The following UBQLN1 variants were observed in gnomAD, a reference collection of about 807,000 sequenced individuals.
The protein encoded by UBQLN1 is ubiquilin-1.
A neutral mutation model predicts 65.4 loss-of-function variants in UBQLN1; 13 were observed. That is an observed-to-expected ratio of 0.20 (90% confidence interval 0.13 to 0.32). The LOEUF is 0.32. Ranked by LOEUF, UBQLN1 falls within the 10% of genes least tolerant of loss-of-function variation. The pLI is 1.00. For missense variants in UBQLN1, 561 were observed against 724.0 expected (o/e 0.77, Z 2.58); for synonymous variants, 267 against 247.8 (o/e 1.08, Z -0.73).
At chr9:83,699,286 T>C (rs1277061746) in intron 1 of UBQLN1, among the ~76,000 whole-genome samples, 3 of 152,206 alleles carry the variant, frequency 2.0e-5, no homozygotes, top group Non-Finnish European at 4.4e-5. Context: ...AAAAATTGAC[T>C]TCAGTCCTTC....
intron 7 of UBQLN1, chr9:83,668,755 C>A: frequency 1.9e-6 from 1 of 519,132 alleles, no homozygotes; most frequent in Non-Finnish European, 2.5e-6. Context: ...TTAATAAATG[C>A]TATTTTACAA....
At chr9:83,706,356 T>C (rs1832406763) in intron 1 of UBQLN1, among the ~76,000 whole-genome samples, 1 of 152,154 alleles carries the variant, frequency 6.6e-6, no homozygotes, top group South Asian at 2.1e-4. Context: ...AATACAAAAA[T>C]GGTAAGGAAA....
intron 3 of UBQLN1, among the ~76,000 whole-genome samples, chr9:83,681,944 A>T (rs1831947052): frequency 6.6e-6 from 1 of 152,222 alleles, no homozygotes; most frequent in Non-Finnish European, 1.5e-5. Flanking sequence ...GGCACCTTAC[A>T]AACCGGTAAA....
chr9:83,707,735 AAGG>A lies in UBQLN1; in HGVS notation c.-59_-57del, dbSNP rs544265139. On this transcript the variant is annotated 5_prime_UTR_variant, in exon 1 of 11. Transcript: ENST00000376395. ...GGCAAGCAGGAGGGAGCAGGCGAGC[AAGG>A]AGGAGCCAGCAGACACCAGAGCCGG... 24 of 1,502,090 alleles carry A rather than the reference AAGG, an allele frequency of 1.6e-5. No homozygotes were observed. In the African/African-American group the frequency reaches 2.4e-4, roughly 15 times the overall value. 93.0% of individuals were successfully genotyped at this position (1,502,090 alleles called of 1,614,324 possible). A position where few individuals can be genotyped will look rare whatever the true frequency, so the allele number is the denominator to read the frequency against.
chr9:83,671,025 G>A (rs1236571341), intron 6 of UBQLN1, among the ~76,000 whole-genome samples: 3 of 152,080 alleles, frequency 2.0e-5, no homozygotes, highest in Admixed American at 2.0e-4. Context: ...GAGGGGAGTG[G>A]CACGAACATA....
At chr9:83,680,081 AT>A (rs762970453) in intron 3 of UBQLN1, 44 bp from the exon 4 acceptor site, 1 of 1,556,392 alleles carries the variant, frequency 6.4e-7, no homozygotes, top group Non-Finnish European at 8.7e-7. Context: ...AAGTCAGAAA[AT>A]TTATCATTAA....
At chr9:83,692,637 G>A (rs568306444) in intron 1 of UBQLN1, among the ~76,000 whole-genome samples, 131 of 152,296 alleles carry the variant, frequency 8.6e-4, no homozygotes, top group Non-Finnish European at 1.7e-3. Flanking sequence ...CGGATCACCT[G>A]AGGTCGGCAG....
chr9:83,663,759 A>T, intron 10 of UBQLN1, 116 bp downstream of exon 10: 1 of 1,146,850 alleles, frequency 8.7e-7, no homozygotes, highest in Non-Finnish European at 1.2e-6. Flanking sequence ...ATTTTTCATT[A>T]ATCTAAACAC....
intron 1 of UBQLN1, among the ~76,000 whole-genome samples, chr9:83,690,835 A>G (rs1362772514): frequency 1.3e-5 from 2 of 152,048 alleles, no homozygotes; most frequent in African/African-American, 4.8e-5. Flanking sequence ...CCTTCCCCAA[A>G]GCTAAAATAT....
intron 1 of UBQLN1, among the ~76,000 whole-genome samples, chr9:83,693,891 AAT>A (rs1172771146): frequency 2.0e-5 from 3 of 152,210 alleles, no homozygotes; most frequent in African/African-American, 4.8e-5. Context: ...CTTCATCAGG[AAT>A]AGAGATACTT....
intron 6 of UBQLN1, among the ~76,000 whole-genome samples, chr9:83,677,510 T>C (rs7863266): frequency 0.27 from 41,822 of 152,084 alleles, 7,054 homozygotes; most frequent in East Asian, 0.85. Context: ...TGCGGTGAGC[T>C]GAGATCGTGC....
chr9:83,677,819 G>C lies in UBQLN1; in HGVS notation c.1013C>G (p.Thr338Ser). 1.9e-6 allele frequency: 3 copies of C among 1,614,144 alleles called. No individual in the cohort carries two copies. The South Asian group carries it at 3.3e-5, about 18-fold the overall frequency. Residue 338 changes from threonine to serine, a missense_variant, in exon 6 of 11, where the codon ACT becomes AGT. Thr to Ser is a moderately conservative substitution (Grantham distance 58, BLOSUM62 1). Around this residue, in one of 8 missense-constraint regions of UBQLN1, gnomAD observed 89 missense variants for 77.8 expected, o/e 1.14. Coordinates refer to ENST00000376395, the MANE Select transcript of UBQLN1 (RefSeq NM_013438.5). ...TSQSSSASSG[T>S]ASTVGGTTGS... ...AGTAGTGCCACCCACAGTGCTGGCA[G>C]TGCCGCTGGAAGCTGATGAACTCTG...
chr9:83,692,825 C>G lies in UBQLN1; in HGVS notation c.181-6670G>C, dbSNP rs374881278. Among the ~76,000 whole-genome samples, 63 of 152,262 alleles carry G rather than the reference C, an allele frequency of 4.1e-4. 1 individual carries two copies. The highest frequency in any genetic ancestry group is 1.5e-3 in the African/African-American group (62 of 41,540). On this transcript the variant is annotated intron_variant, in intron 1 of 10. Coordinates refer to ENST00000376395, the MANE Select transcript of UBQLN1 (RefSeq NM_013438.5). Reference sequence around the variant, plus strand: ...TGAGATCATGCCATTGCACTCCAGCCTGGGCAACAAGAGCGGAACTCCGTT... The same window carrying G: ...TGAGATCATGCCATTGCACTCCAGCGTGGGCAACAAGAGCGGAACTCCGTT...
chr9:83,704,150 A>G (rs1488800985), intron 1 of UBQLN1, among the ~76,000 whole-genome samples: 1 of 152,224 alleles, frequency 6.6e-6, no homozygotes, highest in African/African-American at 2.4e-5. Flanking sequence ...TAAAGACTAA[A>G]TATTTCCCAA....
At chr9:83,706,386 G>A (rs1832407239) in intron 1 of UBQLN1, among the ~76,000 whole-genome samples, 1 of 152,162 alleles carries the variant, frequency 6.6e-6, no homozygotes, top group Non-Finnish European at 1.5e-5. Flanking sequence ...AGCACTGGGA[G>A]ACAAAAACAA....
At chr9:83,667,749 T>C (rs949261577) in intron 7 of UBQLN1, 1 of 978,990 alleles carries the variant, frequency 1.0e-6, no homozygotes, top group Non-Finnish European at 1.2e-6. Context: ...ATAACTTACC[T>C]GAGTGCTTAT....
chr9:83,677,326 GC>G (rs1424589479), intron 6 of UBQLN1, among the ~76,000 whole-genome samples: 4 of 152,164 alleles, frequency 2.6e-5, no homozygotes, highest in Admixed American at 6.5e-5. Context: ...AATTTGGGAG[GC>G]CAAGGCAGGC....
At chr9:83,664,442 A>C (rs1401735511) in intron 9 of UBQLN1, among the ~76,000 whole-genome samples, 1 of 151,972 alleles carries the variant, frequency 6.6e-6, no homozygotes, top group Non-Finnish European at 1.5e-5. Context: ...AAATAATAAT[A>C]ATCATTTTTA....
rs145697046 is a variant in UBQLN1, at chr9:83,672,506, G to A, written c.1106-3179C>T. On this transcript the variant is annotated intron_variant, in intron 6 of 10. Transcript: ENST00000376395. ...TCAATGTTGTGTCTCAGAGAATAGG[G>A]AGACCCAAGAAGAGGAAGAGAGACA... 2.0e-3 allele frequency among the ~76,000 whole-genome samples: 304 copies of A among 152,258 alleles called. 1 individual carries two copies. The highest frequency in any genetic ancestry group is 6.5e-3 in the African/African-American group (270 of 41,534).
Sources: gnomAD v4.1 joint callset for allele counts (sites outside exome capture counted in the v4.1 genomes callset) on GRCh38, gnomAD v4.1.1 for gene constraint, gnomAD v4.1.1 regional missense constraint, MANE v1.5 for transcripts, NCBI Gene and HGNC (gene_info 2026-07-23, HGNC 2026-07-21) for gene names.